ASIC2: variants seen among roughly 807,000 people sequenced by gnomAD.
The protein encoded by ASIC2 is acid-sensing ion channel 2.
A neutral mutation model predicts 57.3 loss-of-function variants in ASIC2; 25 were observed. The observed-to-expected ratio is 0.44, with a 90% CI of 0.32 to 0.61. The LOEUF (loss-of-function observed/expected upper bound fraction) is 0.61. ASIC2 is among the 20% of genes least tolerant of loss of function. The pLI is 0.06. For missense variants in ASIC2, 641 were observed against 738.1 expected (o/e 0.87, Z 1.52); for synonymous variants, 319 against 307.5 (o/e 1.04, Z -0.39).
intron 1 of ASIC2, among the ~76,000 whole-genome samples, chr17:33,969,558 G>T (rs1302686778): frequency 6.6e-6 from 1 of 152,192 alleles, no homozygotes; most frequent in East Asian, 1.9e-4. Context: ...GCAATGCAGG[G>T]TGCATTAATG....
chr17:33,638,423 C>T (rs538205889), intron 1 of ASIC2, among the ~76,000 whole-genome samples: 1 of 152,328 alleles, frequency 6.6e-6, no homozygotes, highest in South Asian at 2.1e-4. Context: ...CTAGATTTAT[C>T]TCACTGTCAT....
chr17:33,187,576 C>T (rs1597621428), intron 1 of ASIC2, among the ~76,000 whole-genome samples: 1 of 152,234 alleles, frequency 6.6e-6, no homozygotes. Flanking sequence ...CAACTACCTG[C>T]ACCTAATAGA....
intron 1 of ASIC2, among the ~76,000 whole-genome samples, chr17:34,047,965 C>T (rs1224208990): frequency 6.6e-6 from 1 of 152,204 alleles, no homozygotes; most frequent in Admixed American, 6.5e-5. Flanking sequence ...AATGCTTAAA[C>T]TCCACACCAT....
intron 1 of ASIC2, among the ~76,000 whole-genome samples, chr17:33,415,977 C>T (rs1412304951): frequency 6.6e-6 from 1 of 152,192 alleles, no homozygotes; most frequent in Non-Finnish European, 1.5e-5. Context: ...GGTGTGAGGC[C>T]AGCTGCAGCC....
intron 1 of ASIC2, among the ~76,000 whole-genome samples, chr17:33,638,265 G>T (rs1906436348): frequency 1.3e-5 from 2 of 152,226 alleles, no homozygotes; most frequent in Non-Finnish European, 2.9e-5. Context: ...TTTTACAAGG[G>T]TGATTTAGTT....
At chr17:33,578,152 CTTATT>C (rs968155228) in intron 1 of ASIC2, among the ~76,000 whole-genome samples, 3 of 152,122 alleles carry the variant, frequency 2.0e-5, no homozygotes, top group African/African-American at 7.2e-5. Flanking sequence ...ACCACCTGCC[CTTATT>C]TTATTTAACT....
chr17:33,900,781 C>T (rs920521141), intron 1 of ASIC2, among the ~76,000 whole-genome samples: 1 of 152,100 alleles, frequency 6.6e-6, no homozygotes, highest in Non-Finnish European at 1.5e-5. Flanking sequence ...TGGGGGCTGC[C>T]CATTCAACTG....
At chr17:33,540,897 G>T (rs906795150) in intron 1 of ASIC2, among the ~76,000 whole-genome samples, 1 of 152,142 alleles carries the variant, frequency 6.6e-6, no homozygotes, top group Non-Finnish European at 1.5e-5. Flanking sequence ...ATTTCACATC[G>T]TTGTTGCAAT....
chr17:33,953,341 A>G (rs1289212475), intron 1 of ASIC2, among the ~76,000 whole-genome samples: 1 of 152,148 alleles, frequency 6.6e-6, no homozygotes, highest in East Asian at 1.9e-4. Context: ...TTCAAACCCT[A>G]TGTCTGGTAC....
At chr17:33,415,268 G>A (rs9909653) in intron 1 of ASIC2, among the ~76,000 whole-genome samples, 77,245 of 152,002 alleles carry the variant, frequency 0.51, 19,778 homozygotes, top group South Asian at 0.53. Flanking sequence ...GTCGATGCTC[G>A]AATCTAATAT....
At chr17:33,173,576 G>A (rs1019254969) in intron 1 of ASIC2, among the ~76,000 whole-genome samples, 1 of 152,196 alleles carries the variant, frequency 6.6e-6, no homozygotes, top group Non-Finnish European at 1.5e-5. Flanking sequence ...AGTTCATAAG[G>A]AAAACAGAAT....
chr17:33,345,369 A>T (rs562812437), intron 1 of ASIC2, among the ~76,000 whole-genome samples: 1 of 152,226 alleles, frequency 6.6e-6, no homozygotes, highest in Non-Finnish European at 1.5e-5. Context: ...CACATATGTT[A>T]TGATTCAGTG....
intron 1 of ASIC2, among the ~76,000 whole-genome samples, chr17:33,795,272 TAGGGTCCAAAGGCCC>T (rs896019833): frequency 1.8e-4 from 28 of 152,364 alleles, no homozygotes; most frequent in African/African-American, 6.5e-4. Flanking sequence ...TGGTTGATGC[TAGGGTCCAAAGGCCC>T]AGCCCTTCCC....
intron 1 of ASIC2, among the ~76,000 whole-genome samples, chr17:34,031,905 C>T (rs1018535633): frequency 2.6e-5 from 4 of 152,254 alleles, no homozygotes; most frequent in South Asian, 4.1e-4. Context: ...CTGAAAGTGA[C>T]GGGGAGAATG....
chr17:33,138,743 G>A (rs1438642298), intron 1 of ASIC2, among the ~76,000 whole-genome samples: 1 of 115,626 alleles, frequency 8.6e-6, no homozygotes, highest in African/African-American at 4.0e-5. Flanking sequence ...AGACATGCCA[G>A]CAAGTTTTTC....
At chr17:33,954,570 C>G (rs1046148417) in intron 1 of ASIC2, among the ~76,000 whole-genome samples, 2 of 152,188 alleles carry the variant, frequency 1.3e-5, no homozygotes, top group African/African-American at 4.8e-5. Flanking sequence ...AACACCCACA[C>G]AGTGCCACTG....
chr17:33,801,140 T>G (rs577797295), intron 1 of ASIC2, among the ~76,000 whole-genome samples: 270 of 152,254 alleles, frequency 1.8e-3, no homozygotes, highest in African/African-American at 6.3e-3. Flanking sequence ...AGAACTAGAC[T>G]TGAAGCTGGT....
At chr17:33,683,445 C>T (rs558599718) in intron 1 of ASIC2, among the ~76,000 whole-genome samples, 1 of 152,354 alleles carries the variant, frequency 6.6e-6, no homozygotes, top group African/African-American at 2.4e-5. Context: ...AAACATGGCT[C>T]ACTGCAGCCT....
At chr17:34,070,375 C>G (rs964903029) in intron 1 of ASIC2, 1 of 152,052 alleles carries the variant, frequency 6.6e-6, no homozygotes, top group East Asian at 1.9e-4. Flanking sequence ...AAACTTCTAT[C>G]CATTTGGGTA....
Sources: gnomAD v4.1 joint callset for allele counts (sites outside exome capture counted in the v4.1 genomes callset) on GRCh38, gnomAD v4.1.1 for gene constraint, MANE v1.5 for transcripts, NCBI Gene and HGNC (gene_info 2026-07-23, HGNC 2026-07-21) for gene names.